Variants in AGAP1 observed in about 807,000 individuals in gnomAD.
AGAP1 encodes the protein ArfGAP with GTPase domain, ankyrin repeat and PH domain 1.
Under a neutral mutation model 105.3 loss-of-function variants are expected in AGAP1, and 29 were observed. That is an observed-to-expected ratio of 0.28 (90% CI 0.21 to 0.38). The LOEUF (loss-of-function observed/expected upper bound fraction) is 0.38, where lower values mean the gene tolerates loss of function less well. AGAP1 is among the 10% of genes least tolerant of loss of function. The pLI is 1.00. For synonymous variants in AGAP1, 509 were observed against 485.9 expected (o/e 1.05, Z -0.63); for missense variants, 998 against 1,165.1 (o/e 0.86, Z 2.09).
At position 235,830,462 on chromosome 2, in the gene AGAP1, G is replaced by A. The variant is rs1959223168; in HGVS notation, c.1050+23131G>A. Among the ~76,000 whole-genome samples the A allele has an allele frequency of 6.6e-6, 1 of 152,174 alleles. No homozygotes were observed. On this transcript the variant is annotated intron_variant, in intron 9 of 17. Transcript: ENST00000304032. The surrounding 1 kb of genome is among the most constrained non-coding windows in gnomAD (Gnocchi z 5.5). ...TCAGTTCCATTCATTGTTTTTCAAA[G>A]TATTCATTTCATTAAACATCCCATC...
In AGAP1 at chr2:235,728,454, G is replaced by A. The variant is rs559934588; in HGVS notation, c.310+10810G>A. 1.5e-3 allele frequency among the ~76,000 whole-genome samples: 226 copies of A among 152,216 alleles called. 1 individual carries two copies. The highest frequency in any genetic ancestry group is 4.8e-3 in the African/African-American group (199 of 41,512). ...TGAATGATTGACCCAGACCAGAAAT[G>A]GAAACCTGATTCAACTCACAGTGTA... is the stretch of plus-strand genomic sequence containing the variant. On this transcript the variant is annotated intron_variant, in intron 3 of 17. Transcript: ENST00000304032. This position sits in a 1 kb window ranked among gnomAD's most constrained non-coding sequence, Gnocchi z 4.3.
chr2:235,512,107 G>GTGTGAA (rs1559213257), intron 1 of AGAP1, among the ~76,000 whole-genome samples: 26 of 150,662 alleles, frequency 1.7e-4, no homozygotes, highest in South Asian at 1.3e-3. Context: ...GTGTGTGAAT[G>GTGTGAA]TGTGTGTGTG....
intron 1 of AGAP1, among the ~76,000 whole-genome samples, chr2:235,541,641 C>T (rs902111077): frequency 4.6e-5 from 7 of 151,462 alleles, no homozygotes; most frequent in East Asian, 1.9e-4. Flanking sequence ...TGCCCGCCTC[C>T]GCCTCCCAAA....
Position 236,109,906 on chromosome 2 carries a change from G to T in AGAP1, c.2115-10286G>T, listed in dbSNP as rs1296147938. On this transcript the variant is annotated intron_variant, in intron 16 of 17. Coordinates refer to ENST00000304032, the MANE Select transcript of AGAP1 (RefSeq NM_001037131.3). The surrounding 1 kb of genome is among the most constrained non-coding windows in gnomAD (Gnocchi z 5.4). ...CTACCTAACCCTTCGTCAGAGACCA[G>T]AACCAAGTGTTAAGATGGCCAAAGG... is the stretch of plus-strand genomic sequence containing the variant. Among the ~76,000 whole-genome samples the T allele has an allele frequency of 6.6e-6, 1 of 152,216 alleles. No homozygotes were observed. The highest frequency in any genetic ancestry group is 1.5e-5 in the Non-Finnish European group (1 of 68,040).
chr2:235,802,839 TATGGTTGTGATG>T (rs1575505041), intron 8 of AGAP1, among the ~76,000 whole-genome samples: 1 of 130,288 alleles, frequency 7.7e-6, no homozygotes, highest in Non-Finnish European at 1.6e-5. Flanking sequence ...TGATGATGGT[TATGGTTGTGATG>T]ATGGTTGTGA....
At chr2:235,746,389 T>C (rs1468722145) in intron 5 of AGAP1, among the ~76,000 whole-genome samples, 5 of 117,868 alleles carry the variant, frequency 4.2e-5, no homozygotes, top group Admixed American at 1.6e-4. Flanking sequence ...TTTTTTTTTT[T>C]TTTTTTTTTT....
chr2:235,641,145 A>G (rs561979437), intron 1 of AGAP1, among the ~76,000 whole-genome samples: 7 of 152,136 alleles, frequency 4.6e-5, no homozygotes, highest in East Asian at 3.9e-4. Flanking sequence ...CCACCAGCCA[A>G]TTACAGAAAT....
rs2056292988 is a variant in AGAP1, at chr2:236,005,504, T to TG, written c.1646-31057_1646-31056insG. ...ATTTCTTAGAGTTCATGAGTCAATA[T>TG]TGATATGTTTTTATTAAAGTCCACA... On this transcript the variant is annotated intron_variant, in intron 13 of 17. Coordinates refer to ENST00000304032, the MANE Select transcript of AGAP1 (RefSeq NM_001037131.3). The surrounding 1 kb of genome is among the most constrained non-coding windows in gnomAD (Gnocchi z 4.1). 2.0e-5 allele frequency among the ~76,000 whole-genome samples: 3 copies of TG among 152,024 alleles called. No individual in the cohort carries two copies. The highest frequency in any genetic ancestry group is 7.3e-5 in the African/African-American group (3 of 41,378).
intron 6 of AGAP1, among the ~76,000 whole-genome samples, chr2:235,794,421 C>T (rs1275755629): frequency 1.3e-5 from 2 of 152,028 alleles, no homozygotes; most frequent in Non-Finnish European, 2.9e-5. Flanking sequence ...AGTGTGCTGC[C>T]CAATTTGAGA....
chr2:236,024,789 G>A (rs902450823), intron 13 of AGAP1, among the ~76,000 whole-genome samples: 12 of 152,364 alleles, frequency 7.9e-5, no homozygotes, highest in Admixed American at 3.3e-4. Context: ...GACACAATTA[G>A]TGTAATATCC....
intron 10 of AGAP1, among the ~76,000 whole-genome samples, chr2:235,897,600 T>A (rs2050868095): frequency 6.6e-6 from 1 of 152,130 alleles, no homozygotes; most frequent in Non-Finnish European, 1.5e-5. Context: ...TTGTACCCAA[T>A]TGATAACATT....
chr2:235,750,638 G>A lies in AGAP1; in HGVS notation c.673+150G>A. On this transcript the variant is annotated intron_variant, in intron 6 of 17. Coordinates refer to ENST00000304032, the MANE Select transcript of AGAP1 (RefSeq NM_001037131.3). The surrounding 1 kb of genome is among the most constrained non-coding windows in gnomAD (Gnocchi z 5.3). ...GTATCGAGAGCAGTCCATTCCAGAG[G>A]CAATTCTCAGGTATGTTTCATATAA... is the stretch of plus-strand genomic sequence containing the variant. 1 of 1,152,080 alleles carries A rather than the reference G, an allele frequency of 8.7e-7. No homozygotes were observed. The highest frequency in any genetic ancestry group is 1.4e-5 in the South Asian group (1 of 70,696). 71.4% of individuals were successfully genotyped at this position (1,152,080 alleles called of 1,614,324 possible).
chr2:235,869,019 A>G (rs1322124626), intron 9 of AGAP1, among the ~76,000 whole-genome samples: 1 of 152,192 alleles, frequency 6.6e-6, no homozygotes, highest in Non-Finnish European at 1.5e-5. Flanking sequence ...ATGTCAGTAA[A>G]TTAGGTGGTA....
At chr2:235,954,823 G>A (rs2125281862) in intron 12 of AGAP1, among the ~76,000 whole-genome samples, 1 of 152,116 alleles carries the variant, frequency 6.6e-6, no homozygotes. Context: ...CAGGAGCTTT[G>A]TTTATTTACT....
At chr2:235,636,576 C>T (rs941673587) in intron 1 of AGAP1, among the ~76,000 whole-genome samples, 1 of 152,160 alleles carries the variant, frequency 6.6e-6, no homozygotes. Flanking sequence ...CGTCCACTCC[C>T]CTAGGCATCC....
In AGAP1 at chr2:235,611,643, TTTAGA is replaced by T. The variant is rs1360184487; in HGVS notation, c.164-97533_164-97529del. Among the ~76,000 whole-genome samples the T allele has an allele frequency of 6.6e-6, 1 of 152,204 alleles. No homozygotes were observed. ...CAGGGAGCCCAGGGAGGCTTGGATC[TTTAGA>T]TTGATAAGCAGGATAGTAAACCAGT... On this transcript the variant is annotated intron_variant, in intron 1 of 17. Transcript: ENST00000304032. The surrounding 1 kb of genome is among the most constrained non-coding windows in gnomAD (Gnocchi z 5.0).
intron 6 of AGAP1, among the ~76,000 whole-genome samples, chr2:235,783,611 G>A (rs1956416389): frequency 6.6e-6 from 1 of 152,190 alleles, no homozygotes; most frequent in Non-Finnish European, 1.5e-5. Context: ...ATTATGCTCT[G>A]TGGAAAGAGG....
chr2:236,015,050 T>A (rs2056649616), intron 13 of AGAP1, among the ~76,000 whole-genome samples: 1 of 152,208 alleles, frequency 6.6e-6, no homozygotes, highest in Non-Finnish European at 1.5e-5. Flanking sequence ...TCTTTTTGTT[T>A]GTGTGTTTTA....
rs1956837429 is a variant in AGAP1, at chr2:235,789,334, G to A, written c.674-8425G>A. Among the ~76,000 whole-genome samples the A allele has an allele frequency of 6.6e-6, 1 of 152,160 alleles. No homozygotes were observed. The highest frequency in any genetic ancestry group is 2.4e-5 in the African/African-American group (1 of 41,430). ...AGCAGCCTTGACTTTGCTCTGTCCT[G>A]AAGGTAACTGTTTATTACAGTCGGC... On this transcript the variant is annotated intron_variant, in intron 6 of 17. Transcript: ENST00000304032. The surrounding 1 kb of genome is among the most constrained non-coding windows in gnomAD (Gnocchi z 4.2).
Sources: allele counts gnomAD v4.1 joint callset (sites outside exome capture counted in the v4.1 genomes callset), GRCh38; gene constraint gnomAD v4.1.1; non-coding constraint Gnocchi (gnomAD v3.1); transcripts MANE v1.5; gene names NCBI Gene and HGNC (gene_info 2026-07-23, HGNC 2026-07-21).